DIP2C: variants seen among roughly 807,000 people sequenced by gnomAD.
The protein encoded by DIP2C is disco-interacting protein 2 homolog C.
Under a neutral mutation model 192.4 loss-of-function variants are expected in DIP2C, and 33 were observed. The observed-to-expected ratio is 0.17, with a 90% CI of 0.13 to 0.23. DIP2C has a LOEUF of 0.23. Among genes scored for constraint, DIP2C ranks in the 10% least tolerant of loss-of-function variants. The probability of loss-of-function intolerance (pLI) is 1.00; values close to 1 mark genes in which losing one functional copy is unlikely to be tolerated. For synonymous variants in DIP2C, 979 were observed against 864.1 expected, an observed-to-expected ratio of 1.13 and a Z score of -2.33; for missense variants, 1,537 against 2,110.1, an observed-to-expected ratio of 0.73 and a Z score of 5.32.
chr10:560,016 T>C (rs192879264), intron 1 of DIP2C, among the ~76,000 whole-genome samples: 147 of 120,344 alleles, frequency 1.2e-3, no homozygotes, highest in Middle Eastern at 7.8e-3. Context: ...CTCACCTCTC[T>C]CCCCACCCCC....
intron 9 of DIP2C, among the ~76,000 whole-genome samples, chr10:399,713 C>A (rs975949675): frequency 1.3e-5 from 2 of 152,168 alleles, no homozygotes; most frequent in Non-Finnish European, 2.9e-5. Flanking sequence ...TGTCTTAATG[C>A]GGTGGTCAAG....
At chr10:613,523 G>A (rs929788534) in intron 1 of DIP2C, among the ~76,000 whole-genome samples, 2 of 152,190 alleles carry the variant, frequency 1.3e-5, no homozygotes, top group Non-Finnish European at 2.9e-5. Context: ...GGCTTGACCA[G>A]GCAAACAACT....
At chr10:342,928 G>A (rs900310454) in intron 28 of DIP2C, among the ~76,000 whole-genome samples, 2 of 152,168 alleles carry the variant, frequency 1.3e-5, no homozygotes, top group South Asian at 2.1e-4. Flanking sequence ...AAGCTTTCTA[G>A]CCAAACAAAC....
intron 3 of DIP2C, among the ~76,000 whole-genome samples, chr10:443,508 G>A (rs1228774532): frequency 6.6e-6 from 1 of 152,166 alleles, no homozygotes; most frequent in African/African-American, 2.4e-5. Context: ...TGCTGTCACT[G>A]GGGGTCTCTG....
At chr10:450,463 C>G (rs958768492) in intron 3 of DIP2C, among the ~76,000 whole-genome samples, 3 of 152,216 alleles carry the variant, frequency 2.0e-5, no homozygotes, top group Non-Finnish European at 4.4e-5. Flanking sequence ...TCTTGGGCCA[C>G]ACTTCCTGCT....
intron 19 of DIP2C, chr10:364,896 C>T (rs901784104): frequency 2.6e-5 from 15 of 578,430 alleles, no homozygotes; most frequent in Non-Finnish European, 4.7e-5. Context: ...TAACTGATTA[C>T]TTGGTTTACA....
chr10:561,074 A>T (rs767808286), intron 1 of DIP2C, among the ~76,000 whole-genome samples: 1 of 152,276 alleles, frequency 6.6e-6, no homozygotes, highest in Admixed American at 6.5e-5. Context: ...AAACCAATGT[A>T]CATCTTACAT....
At chr10:379,603 T>TC (rs1286332457) in intron 17 of DIP2C, among the ~76,000 whole-genome samples, 1 of 152,230 alleles carries the variant, frequency 6.6e-6, no homozygotes, top group African/African-American at 2.4e-5. Flanking sequence ...TTCTGATTTA[T>TC]CTACTTTTTT....
chr10:413,967 G>A lies in DIP2C; in HGVS notation c.1003C>T (p.Pro335Ser). The A allele has an allele frequency of 6.2e-7, 1 of 1,614,220 alleles. No homozygotes were observed. The highest frequency in any genetic ancestry group is 8.5e-7 in the Non-Finnish European group (1 of 1,180,030). The stretch of plus-strand genomic sequence containing the variant: ...TTGGTGTCCATGGTGGTCAGGCAGG[G>A]CGCCTTGGGCGAGATGGTGCCCCAC... ...QRWGTISPKA[P>S]CLTTMDTNGK... The change falls in exon 8 of 37, where the codon CCC becomes TCC. Residue 335 changes from proline (P) to serine (S), a missense_variant. By Grantham distance (74) the Pro-to-Ser change is moderately conservative. Around this residue, in one of 4 missense-constraint regions of DIP2C, gnomAD observed 473 missense variants for 539.6 expected, o/e 0.88. Transcript: ENST00000280886.
chr10:489,994 G>A (rs546296010), intron 1 of DIP2C, among the ~76,000 whole-genome samples: 2 of 50,258 alleles, frequency 4.0e-5, no homozygotes, highest in East Asian at 4.5e-4. Context: ...CCAGGGACAC[G>A]GTGGCTCTGA....
At chr10:337,696 G>A (rs1390252573) in intron 29 of DIP2C, among the ~76,000 whole-genome samples, 1 of 151,672 alleles carries the variant, frequency 6.6e-6, no homozygotes, top group Non-Finnish European at 1.5e-5. Context: ...CTAGGCAGCT[G>A]TGTGTGTGTT....
At chr10:412,618 G>A (rs1965261309) in intron 8 of DIP2C, among the ~76,000 whole-genome samples, 1 of 152,114 alleles carries the variant, frequency 6.6e-6, no homozygotes, top group Admixed American at 6.5e-5. Flanking sequence ...ATGCTCCTAG[G>A]CCCAAATCCC....
intron 1 of DIP2C, among the ~76,000 whole-genome samples, chr10:543,586 T>TATGGATC (rs1393435945): frequency 6.6e-6 from 1 of 152,356 alleles, no homozygotes; most frequent in East Asian, 1.9e-4. Flanking sequence ...TAACATATAG[T>TATGGATC]ATGGATCGTT....
At chr10:536,914 T>C (rs1471237195) in intron 1 of DIP2C, among the ~76,000 whole-genome samples, 1 of 152,238 alleles carries the variant, frequency 6.6e-6, no homozygotes, top group Admixed American at 6.5e-5. Context: ...AGTTCTTTAT[T>C]CTGTTTTTCC....
intron 3 of DIP2C, among the ~76,000 whole-genome samples, chr10:449,763 C>T (rs1295983644): frequency 2.2e-5 from 3 of 139,026 alleles, no homozygotes; most frequent in African/African-American, 9.2e-5. Context: ...CACATGTACC[C>T]TAAAACTTAA....
chr10:339,952 G>A (rs183058579), intron 29 of DIP2C, among the ~76,000 whole-genome samples: 24 of 152,222 alleles, frequency 1.6e-4, no homozygotes, highest in African/African-American at 3.9e-4. Flanking sequence ...AGGGCGAGGC[G>A]GGCAGATCAC....
chr10:667,405 G>C (rs1313190111), intron 1 of DIP2C: 1 of 152,296 alleles, frequency 6.6e-6, no homozygotes, highest in African/African-American at 2.4e-5. Context: ...ACGCTCAGAA[G>C]GGGCTGCACG....
At chr10:401,890 A>C (rs1281087380) in intron 9 of DIP2C, among the ~76,000 whole-genome samples, 59 of 150,392 alleles carry the variant, frequency 3.9e-4, no homozygotes, top group African/African-American at 1.2e-3. Context: ...TTTCATCAGC[A>C]CATGAATCCT....
chr10:324,786 C>T (rs1416878520), intron 31 of DIP2C: 12 of 398,658 alleles, frequency 3.0e-5, no homozygotes, highest in East Asian at 2.2e-4. Context: ...TGTCAGGCCC[C>T]GCCCTGGTGC....
Sources: allele counts gnomAD v4.1 joint callset (sites outside exome capture counted in the v4.1 genomes callset), GRCh38; gene constraint gnomAD v4.1.1; regional missense constraint gnomAD v4.1.1; transcripts MANE v1.5; gene names NCBI Gene and HGNC (gene_info 2026-07-23, HGNC 2026-07-21).